GALNTL6: variants seen among roughly 807,000 people sequenced by gnomAD.
GALNTL6 encodes polypeptide N-acetylgalactosaminyltransferase-like 6.
In GALNTL6, 46 loss-of-function variants were observed where a neutral mutation model predicts 73.7. That is an observed-to-expected ratio of 0.62 (90% confidence interval 0.49 to 0.80). The LOEUF is 0.80. GALNTL6 is among the 30% of genes least tolerant of loss of function. The pLI is 0.00. For missense variants in GALNTL6, 604 were observed against 755.0 expected (o/e 0.80, Z 2.34); for synonymous variants, 259 against 263.7 (o/e 0.98, Z 0.17).
intron 2 of GALNTL6, among the ~76,000 whole-genome samples, chr4:171,851,801 C>T: frequency 6.6e-6 from 1 of 152,098 alleles, no homozygotes; most frequent in East Asian, 1.9e-4. Context: ...TTAAATTGAT[C>T]TAGACAACAG....
At chr4:172,307,441 C>G (rs1740181441) in intron 3 of GALNTL6, among the ~76,000 whole-genome samples, 1 of 152,122 alleles carries the variant, frequency 6.6e-6, no homozygotes, top group African/African-American at 2.4e-5. Context: ...AAGCCAATGT[C>G]TAGAAGGGGT....
chr4:172,454,628 T>C (rs1425770222), intron 5 of GALNTL6, among the ~76,000 whole-genome samples: 6 of 152,228 alleles, frequency 3.9e-5, no homozygotes, highest in African/African-American at 1.2e-4. Context: ...GTGTCCAACA[T>C]AGAATAAACT....
chr4:172,991,292 A>G (rs1376482537), intron 10 of GALNTL6, among the ~76,000 whole-genome samples: 4 of 152,228 alleles, frequency 2.6e-5, no homozygotes, highest in African/African-American at 4.8e-5. Flanking sequence ...AAAAGGCAAA[A>G]TATATTTTAT....
At chr4:173,014,745 TAGCAAG>T (rs1171622235) in intron 11 of GALNTL6, among the ~76,000 whole-genome samples, 1 of 152,146 alleles carries the variant, frequency 6.6e-6, no homozygotes, top group African/African-American at 2.4e-5. Context: ...TCAAGTCAGG[TAGCAAG>T]AGCAAGAGAT....
At chr4:172,137,106 G>C (rs1026553443) in intron 2 of GALNTL6, among the ~76,000 whole-genome samples, 1 of 152,050 alleles carries the variant, frequency 6.6e-6, no homozygotes, top group Non-Finnish European at 1.5e-5. Context: ...TTTAGTCTTA[G>C]AGACTAGAAT....
At chr4:172,449,941 G>A (rs1238985191) in intron 5 of GALNTL6, among the ~76,000 whole-genome samples, 3 of 152,062 alleles carry the variant, frequency 2.0e-5, no homozygotes, top group Non-Finnish European at 2.9e-5. Flanking sequence ...TCCCCCTGTT[G>A]GGTGCTGTGG....
At chr4:172,381,905 C>A (rs562677350) in intron 5 of GALNTL6, among the ~76,000 whole-genome samples, 9 of 152,320 alleles carry the variant, frequency 5.9e-5, no homozygotes, top group African/African-American at 1.9e-4. Flanking sequence ...TGCAAAATGG[C>A]TGCTTCATTT....
At chr4:171,862,623 T>C (rs1329556005) in intron 2 of GALNTL6, among the ~76,000 whole-genome samples, 1 of 152,072 alleles carries the variant, frequency 6.6e-6, no homozygotes, top group Non-Finnish European at 1.5e-5. Context: ...TGACTTATGG[T>C]ATTGAAATTA....
rs1224092360 is a variant in GALNTL6, at chr4:172,763,557, C to T, written c.554-45804C>T. 5.3e-5 allele frequency among the ~76,000 whole-genome samples: 8 copies of T among 152,264 alleles called. No individual in the cohort carries two copies. In the East Asian group the frequency reaches 5.8e-4, roughly 11 times the overall value. ...AGACAATTACAATGAACTAAGTAGA[C>T]GAATAATTACCTTGTATAAACATCT... is the stretch of plus-strand genomic sequence containing the variant. On this transcript the variant is annotated intron_variant, in intron 5 of 12. Coordinates refer to ENST00000506823, the MANE Select transcript of GALNTL6 (RefSeq NM_001034845.3).
intron 5 of GALNTL6, among the ~76,000 whole-genome samples, chr4:172,760,142 C>A (rs1281247351): frequency 6.6e-6 from 1 of 151,358 alleles, no homozygotes; most frequent in Non-Finnish European, 1.5e-5. Context: ...GGCCACCACA[C>A]CTCTTCTTAT....
At chr4:172,725,694 CT>C (rs1452746409) in intron 5 of GALNTL6, among the ~76,000 whole-genome samples, 2 of 152,122 alleles carry the variant, frequency 1.3e-5, no homozygotes, top group Non-Finnish European at 2.9e-5. Context: ...ATCTTGCGTT[CT>C]GCTTTAAAGA....
intron 7 of GALNTL6, among the ~76,000 whole-genome samples, chr4:172,824,022 G>A (rs532971177): frequency 4.6e-5 from 7 of 152,246 alleles, no homozygotes; most frequent in Non-Finnish European, 8.8e-5. Flanking sequence ...ATGCTCGAGA[G>A]CAGGGCTGGG....
At chr4:172,256,757 C>G (rs1738092500) in intron 3 of GALNTL6, among the ~76,000 whole-genome samples, 1 of 151,432 alleles carries the variant, frequency 6.6e-6, no homozygotes, top group African/African-American at 2.4e-5. Flanking sequence ...CTCTTCAGAG[C>G]ACTTGTTGCC....
chr4:172,176,515 C>T (rs1403996293), intron 2 of GALNTL6, among the ~76,000 whole-genome samples: 4 of 151,620 alleles, frequency 2.6e-5, no homozygotes, highest in Admixed American at 6.6e-5. Flanking sequence ...AGTAAGGAAC[C>T]ATGATGCTTC....
At chr4:172,593,921 G>T (rs7669584) in intron 5 of GALNTL6, among the ~76,000 whole-genome samples, 69,719 of 151,878 alleles carry the variant, frequency 0.46, 17,780 homozygotes, top group East Asian at 0.68. Context: ...TAGAGATAGG[G>T]TATCTTTAAA....
chr4:172,057,721 AAAAAAAATAT>A (rs1246734069), intron 2 of GALNTL6, among the ~76,000 whole-genome samples: 110 of 58,526 alleles, frequency 1.9e-3, no homozygotes, highest in East Asian at 0.012. Context: ...AAAAAAAAAA[AAAAAAAATAT>A]ATATATATAT....
intron 2 of GALNTL6, chr4:171,816,213 T>C (rs1734520417): frequency 6.6e-6 from 1 of 152,134 alleles, no homozygotes; most frequent in South Asian, 2.1e-4. Flanking sequence ...TCTTGAAATT[T>C]GCTAATTCAA....
intron 5 of GALNTL6, among the ~76,000 whole-genome samples, chr4:172,404,990 G>A (rs781147571): frequency 3.3e-5 from 5 of 152,000 alleles, no homozygotes; most frequent in African/African-American, 4.8e-5. Flanking sequence ...CAGGGCTACC[G>A]GTCTCTCAGT....
intron 5 of GALNTL6, among the ~76,000 whole-genome samples, chr4:172,715,475 G>C (rs1311201586): frequency 6.6e-6 from 1 of 151,856 alleles, no homozygotes; most frequent in East Asian, 1.9e-4. Context: ...TAAGATTTGT[G>C]ACAGCATTTT....
Sources: gnomAD v4.1 joint callset for allele counts (sites outside exome capture counted in the v4.1 genomes callset) on GRCh38, gnomAD v4.1.1 for gene constraint, MANE v1.5 for transcripts, NCBI Gene and HGNC (gene_info 2026-07-23, HGNC 2026-07-21) for gene names.